ACMSD: variants seen among roughly 807,000 people sequenced by gnomAD.
ACMSD encodes the protein 2-amino-3-carboxymuconate-6-semialdehyde decarboxylase.
Under a neutral mutation model 45.9 loss-of-function variants are expected in ACMSD, and 37 were observed. The observed-to-expected ratio is 0.81, with a 90% CI of 0.62 to 1.06. ACMSD has a LOEUF of 1.06. Among genes scored for constraint, ACMSD ranks in the 50% least tolerant of loss-of-function variants. The pLI, the probability that ACMSD is intolerant of heterozygous loss-of-function variation, is 0.00. For missense variants in ACMSD, 434 were observed against 420.9 expected (o/e 1.03, Z -0.27); for synonymous variants, 138 against 148.8 (o/e 0.93, Z 0.53).
intron 5 of ACMSD, among the ~76,000 whole-genome samples, chr2:134,864,561 A>G (rs1688006931): frequency 6.6e-6 from 1 of 152,228 alleles, no homozygotes; most frequent in South Asian, 2.1e-4. Context: ...ATTTTTAAAT[A>G]ACTGCAGAAT....
chr2:134,863,335 T>C (rs559203995), intron 4 of ACMSD, 60 bp from the exon 5 acceptor site: 12 of 1,488,084 alleles, frequency 8.1e-6, no homozygotes, highest in Middle Eastern at 1.7e-4. Flanking sequence ...CTGTTCAGAG[T>C]GAATGTCTAA....
chr2:134,895,811 G>A (rs1394821830), intron 8 of ACMSD, among the ~76,000 whole-genome samples: 1 of 152,108 alleles, frequency 6.6e-6, no homozygotes, highest in Non-Finnish European at 1.5e-5. Context: ...CAGTTAGCCA[G>A]GATCGCACCA....
intron 8 of ACMSD, among the ~76,000 whole-genome samples, chr2:134,883,812 A>G (rs1411463864): frequency 3.3e-5 from 5 of 152,214 alleles, no homozygotes; most frequent in Admixed American, 3.3e-4. Flanking sequence ...AAAGTATTTT[A>G]ACCCAAGTAT....
At chr2:134,885,159 G>A (rs888675840) in intron 8 of ACMSD, among the ~76,000 whole-genome samples, 9 of 143,930 alleles carry the variant, frequency 6.3e-5, no homozygotes, top group African/African-American at 1.6e-4. Flanking sequence ...TCATGCCACC[G>A]CACTCCAGCC....
intron 1 of ACMSD, among the ~76,000 whole-genome samples, chr2:134,840,684 T>C (rs947212095): frequency 6.6e-6 from 1 of 152,212 alleles, no homozygotes; most frequent in African/African-American, 2.4e-5. Flanking sequence ...CTCTCCTTTC[T>C]ATCACCAGCT....
chr2:134,882,860 G>T (rs1689114420), intron 8 of ACMSD, among the ~76,000 whole-genome samples: 1 of 152,184 alleles, frequency 6.6e-6, no homozygotes, highest in Non-Finnish European at 1.5e-5. Flanking sequence ...ATGTGAAAAA[G>T]TTCATGCATC....
chr2:134,879,517 C>A (rs1688923507), intron 8 of ACMSD, among the ~76,000 whole-genome samples: 1 of 152,122 alleles, frequency 6.6e-6, no homozygotes, highest in Non-Finnish European at 1.5e-5. Context: ...ACAAATTAAC[C>A]TAAAACCCAG....
chr2:134,871,071 A>G lies in ACMSD; in HGVS notation c.676+11A>G. On this transcript the variant is annotated intron_variant, in intron 7 of 9. Transcript: ENST00000356140. ...GTTTCGCACATGGTGGTAAGACCCT[A>G]TCTTTATTAGTCAGCTCAGGCTGTC... The G allele has an allele frequency of 1.9e-6, 3 of 1,609,996 alleles. No homozygotes were observed. Among genetic ancestry groups the G allele is most frequent in the Non-Finnish European group, 1.7e-6 (2 of 1,176,346 alleles).
At chr2:134,859,199 G>T (rs1687731758) in intron 2 of ACMSD, 62 bp from the exon 3 acceptor site, 2 of 1,338,764 alleles carry the variant, frequency 1.5e-6, no homozygotes, top group Admixed American at 3.5e-5. Flanking sequence ...TAAAGCACAT[G>T]AGGAAAGATT....
intron 8 of ACMSD, among the ~76,000 whole-genome samples, chr2:134,892,998 GAAGT>G (rs1689886344): frequency 6.6e-6 from 1 of 152,086 alleles, no homozygotes; most frequent in African/African-American, 2.4e-5. Context: ...TGACAGAGAA[GAAGT>G]AAGTAGTTAA....
intron 8 of ACMSD, among the ~76,000 whole-genome samples, chr2:134,885,296 T>TATATGTGTAA (rs1399443785): frequency 1.1e-5 from 1 of 91,642 alleles, no homozygotes; most frequent in East Asian, 7.8e-4. Flanking sequence ...TATATTTATA[T>TATATGTGTAA]ATATATTTAA....
chr2:134,874,848 AAG>A (rs1688650799), intron 8 of ACMSD, among the ~76,000 whole-genome samples: 1 of 152,252 alleles, frequency 6.6e-6, no homozygotes, highest in Admixed American at 6.5e-5. Flanking sequence ...AAAATAGAGT[AAG>A]AAAGAAATTC....
At chr2:134,894,583 A>G (rs1337860674) in intron 8 of ACMSD, among the ~76,000 whole-genome samples, 1 of 152,162 alleles carries the variant, frequency 6.6e-6, no homozygotes, top group Non-Finnish European at 1.5e-5. Context: ...AAAAAATATA[A>G]AAGAGCTCAA....
intron 1 of ACMSD, among the ~76,000 whole-genome samples, chr2:134,840,166 G>GAAAAAAAAAAA (rs1559034706): frequency 1.5e-3 from 18 of 12,058 alleles, no homozygotes; most frequent in African/African-American, 6.3e-3. Flanking sequence ...ACTATACCTA[G>GAAAAAAAAAAA]CAAAAAAAAA....
rs60233157 is a variant in ACMSD, at chr2:134,860,856, C to CAAAAAA, written c.200-1094_200-1089dup. 0.015 allele frequency among the ~76,000 whole-genome samples: 1,104 copies of CAAAAAA among 72,368 alleles called. 115 individuals are homozygous for CAAAAAA. The East Asian group carries it at 0.22, about 14-fold the overall frequency. 47.5% of individuals were successfully genotyped at this position (72,368 alleles called of 152,430 possible). ...GAAACACAGTGAGACCCTGTCTCCA[C>CAAAAAA]AAAAAAAAAAAAAAAAAAAAAAAAT... On this transcript the variant is annotated intron_variant, in intron 3 of 9. Coordinates refer to ENST00000356140, the MANE Select transcript of ACMSD (RefSeq NM_138326.3).
At chr2:134,874,223 T>C (rs1164588687) in intron 8 of ACMSD, among the ~76,000 whole-genome samples, 1 of 152,212 alleles carries the variant, frequency 6.6e-6, no homozygotes, top group Non-Finnish European at 1.5e-5. Flanking sequence ...GCAGGTACTT[T>C]ACAAACTTCT....
chr2:134,849,202 T>A (rs1349205092), intron 2 of ACMSD, among the ~76,000 whole-genome samples: 1 of 152,076 alleles, frequency 6.6e-6, no homozygotes, highest in East Asian at 1.9e-4. Context: ...TATCAAGAAA[T>A]TTCATAAACT....
chr2:134,881,626 G>A (rs1689044332), intron 8 of ACMSD, among the ~76,000 whole-genome samples: 1 of 152,170 alleles, frequency 6.6e-6, no homozygotes, highest in Non-Finnish European at 1.5e-5. Flanking sequence ...TATCATTAAA[G>A]AAAGATTTGA....
rs1687732511 is a variant in ACMSD at position 134,859,216 on chromosome 2, A to G, written c.103-45A>G. 4.0e-6 allele frequency: 6 copies of G among 1,499,382 alleles called. No individual in the cohort carries two copies. In the East Asian group the frequency reaches 9.0e-5, roughly 23 times the overall value. 92.9% of individuals were successfully genotyped at this position (1,499,382 alleles called of 1,614,324 possible). The stretch of plus-strand genomic sequence containing the variant: ...AAGCACATGAGGAAAGATTAGTCCA[A>G]GTGGTCTTAGGTTGCATTTTAGTAA... On this transcript the variant is annotated intron_variant, in intron 2 of 9. Coordinates refer to ENST00000356140, the MANE Select transcript of ACMSD (RefSeq NM_138326.3).
Sources: allele counts gnomAD v4.1 joint callset (sites outside exome capture counted in the v4.1 genomes callset), GRCh38; gene constraint gnomAD v4.1.1; transcripts MANE v1.5; gene names NCBI Gene and HGNC (gene_info 2026-07-23, HGNC 2026-07-21).